COL14A1: variants seen among roughly 807,000 people sequenced by gnomAD.
The protein encoded by COL14A1 is collagen type XIV alpha 1 chain, also known as collagen alpha-1(XIV) chain.
In COL14A1, 136 loss-of-function variants were observed where a neutral mutation model predicts 230.3. The ratio of observed to expected loss-of-function variants is 0.59; its 90% CI spans 0.51 to 0.68. The LOEUF (loss-of-function observed/expected upper bound fraction) is 0.68, where lower values mean the gene tolerates loss of function less well. Among genes scored for constraint, COL14A1 ranks in the 30% least tolerant of loss-of-function variants. The pLI, the probability that COL14A1 is intolerant of heterozygous loss-of-function variation, is 0.00. For synonymous variants in COL14A1, 792 were observed against 784.1 expected, an observed-to-expected ratio of 1.01 and a Z score of -0.17; for missense variants, 1,976 against 2,215.8, an observed-to-expected ratio of 0.89 and a Z score of 2.17.
At chr8:120,238,881 C>T (rs562823903) in intron 19 of COL14A1, among the ~76,000 whole-genome samples, 33 of 152,280 alleles carry the variant, frequency 2.2e-4, no homozygotes, top group Non-Finnish European at 3.8e-4. Context: ...ACTCTTTGTG[C>T]TTCCTGGATG....
At chr8:120,156,326 C>T (rs1419710982) in intron 2 of COL14A1, among the ~76,000 whole-genome samples, 1 of 152,136 alleles carries the variant, frequency 6.6e-6, no homozygotes, top group Non-Finnish European at 1.5e-5. Context: ...TGTGCCACCA[C>T]ACCTGGCTAA....
intron 6 of COL14A1, among the ~76,000 whole-genome samples, chr8:120,197,534 AC>A (rs1817079952): frequency 6.6e-6 from 1 of 152,176 alleles, no homozygotes; most frequent in South Asian, 2.1e-4. Context: ...CCTTTTATCT[AC>A]AAACATGATC....
At chr8:120,236,442 G>C (rs2130831621) in intron 19 of COL14A1, among the ~76,000 whole-genome samples, 1 of 147,430 alleles carries the variant, frequency 6.8e-6, no homozygotes, top group South Asian at 2.2e-4. Context: ...TGCAACCCCT[G>C]CTTTTTTTTT....
intron 40 of COL14A1, among the ~76,000 whole-genome samples, chr8:120,324,790 T>C (rs1821602655): frequency 6.6e-6 from 1 of 152,182 alleles, no homozygotes; most frequent in Non-Finnish European, 1.5e-5. Context: ...ATAGTATAAT[T>C]GAGTCACTAG....
chr8:120,214,315 A>G (rs12542144), intron 13 of COL14A1, among the ~76,000 whole-genome samples: 78,544 of 151,972 alleles, frequency 0.52, 20,672 homozygotes, highest in East Asian at 0.63. Flanking sequence ...GATAATTGCA[A>G]CTCTATCCTT....
intron 3 of COL14A1, among the ~76,000 whole-genome samples, chr8:120,161,083 C>T (rs979295900): frequency 6.6e-6 from 1 of 152,058 alleles, no homozygotes; most frequent in African/African-American, 2.4e-5. Flanking sequence ...TTCCTAAAAC[C>T]AGATTTAACA....
At chr8:120,170,334 T>G (rs1418639079) in intron 5 of COL14A1, among the ~76,000 whole-genome samples, 4 of 152,078 alleles carry the variant, frequency 2.6e-5, no homozygotes, top group African/African-American at 9.6e-5. Context: ...TAGATTTTGA[T>G]ATGTAGTATT....
At chr8:120,202,745 C>T (rs1044961439) in intron 8 of COL14A1, among the ~76,000 whole-genome samples, 4 of 151,812 alleles carry the variant, frequency 2.6e-5, no homozygotes, top group African/African-American at 9.7e-5. Flanking sequence ...ACAGTGATCA[C>T]ACTCTTTTTT....
At chr8:120,204,295 T>C (rs1418459345) in intron 9 of COL14A1, among the ~76,000 whole-genome samples, 1 of 152,166 alleles carries the variant, frequency 6.6e-6, no homozygotes, top group Non-Finnish European at 1.5e-5. Context: ...ACCACAAGGA[T>C]CACTCCTGTT....
chr8:120,281,118 A>C, intron 31 of COL14A1, 59 bp downstream of exon 31: 18 of 1,491,756 alleles, frequency 1.2e-5, no homozygotes, highest in Non-Finnish European at 1.6e-5. Context: ...TCACTGTGAA[A>C]ATGATGTCAA....
chr8:120,188,670 A>C (rs951598811), intron 5 of COL14A1, among the ~76,000 whole-genome samples: 5 of 152,236 alleles, frequency 3.3e-5, no homozygotes, highest in Admixed American at 3.3e-4. Flanking sequence ...GGTAAGACCC[A>C]TGTAAAGTTA....
Position 120,270,117 on chromosome 8 carries a change from C to T in COL14A1, c.3156C>T (p.Ile1052=), listed in dbSNP as rs1164180967. Residue 1052 remains isoleucine (I), a synonymous_variant, in exon 26 of 48, where the codon ATC becomes ATT. Coordinates refer to ENST00000297848, the MANE Select transcript of COL14A1 (RefSeq NM_021110.4). ...SIGDENFNKI[I]SFLYSTVGAL... Reference sequence around the variant, plus strand: ...GAGATGAAAATTTCAATAAGATCATCAGCTTTCTATACAGCACTGTTGGAG... The same window carrying T: ...GAGATGAAAATTTCAATAAGATCATTAGCTTTCTATACAGCACTGTTGGAG... The T allele has an allele frequency of 9.3e-6, 15 of 1,611,468 alleles. No individual in the cohort carries two copies. The highest frequency in any genetic ancestry group is 1.3e-5 in the Non-Finnish European group (15 of 1,178,420).
chr8:120,219,506 A>G lies in COL14A1; in HGVS notation c.1737+3016A>G, dbSNP rs557962313. ...CTGAATTTGCAGGTGTATTCCTCAT[A>G]GTTGGAGCTTTCTACCTGTGCCCTT... On this transcript the variant is annotated intron_variant, in intron 14 of 47. Transcript: ENST00000297848. 7.9e-5 allele frequency among the ~76,000 whole-genome samples: 12 copies of G among 152,276 alleles called. No individual in the cohort carries two copies. The South Asian group carries it at 2.5e-3, about 32-fold the overall frequency.
At chr8:120,237,981 T>A (rs1460192135) in intron 19 of COL14A1, among the ~76,000 whole-genome samples, 1 of 152,190 alleles carries the variant, frequency 6.6e-6, no homozygotes, top group Non-Finnish European at 1.5e-5. Context: ...CTCCTTCCTC[T>A]GGAAGCTTCA....
In COL14A1 at chr8:120,289,556, G is replaced by A. The variant is rs572124920; in HGVS notation, c.4078-52G>A. On this transcript the variant is annotated intron_variant, in intron 33 of 47. Coordinates refer to ENST00000297848, the MANE Select transcript of COL14A1 (RefSeq NM_021110.4). ...TGAATCATACAATTATACAAATTTG[G>A]TTGATATTTCCTTCTGTTTCTTACC... The A allele has an allele frequency of 1.2e-4, 182 of 1,488,258 alleles. 1 individual carries two copies. In the South Asian group the frequency reaches 2.1e-3, roughly 18 times the overall value. 92.2% of individuals were successfully genotyped at this position (1,488,258 alleles called of 1,614,324 possible). A position where few individuals can be genotyped will look rare whatever the true frequency, so the allele number is the denominator to read the frequency against.
At chr8:120,178,476 T>C (rs1021448011) in intron 5 of COL14A1, among the ~76,000 whole-genome samples, 2 of 152,214 alleles carry the variant, frequency 1.3e-5, no homozygotes, top group Non-Finnish European at 2.9e-5. Flanking sequence ...CAGTCAATCA[T>C]TGATAGGAAT....
At chr8:120,319,493 A>G (rs187187565) in intron 40 of COL14A1, among the ~76,000 whole-genome samples, 1 of 152,212 alleles carries the variant, frequency 6.6e-6, no homozygotes, top group Admixed American at 6.5e-5. Flanking sequence ...GTCTTCTCTT[A>G]TTGACAGCCA....
intron 47 of COL14A1, chr8:120,370,395 T>A: frequency 6.2e-7 from 1 of 1,610,498 alleles, no homozygotes; most frequent in Non-Finnish European, 8.5e-7. Context: ...CTGGTTCCAT[T>A]GGCCCCAGAC....
chr8:120,353,355 A>T (rs1822839106), intron 45 of COL14A1, among the ~76,000 whole-genome samples: 1 of 79,804 alleles, frequency 1.3e-5, no homozygotes, highest in Admixed American at 1.4e-4. Flanking sequence ...CCAAAACACC[A>T]AAAGCAATGG....
Sources: gnomAD v4.1 joint callset for allele counts (sites outside exome capture counted in the v4.1 genomes callset) on GRCh38, gnomAD v4.1.1 for gene constraint, MANE v1.5 for transcripts, NCBI Gene and HGNC (gene_info 2026-07-23, HGNC 2026-07-21) for gene names.